Variants in RBMS1 observed in about 807,000 individuals in gnomAD.
The protein encoded by RBMS1 is RNA binding motif single stranded interacting protein 1.
RBMS1 carries 17 observed loss-of-function variants against 62.3 expected under a neutral mutation model. The observed-to-expected ratio is 0.27, with a 90% CI of 0.19 to 0.41. The LOEUF is 0.41. Ranked by LOEUF, RBMS1 falls within the 10% of genes least tolerant of loss-of-function variation. The pLI is 1.00. For missense variants in RBMS1, 334 were observed against 504.5 expected, an observed-to-expected ratio of 0.66 and a Z score of 3.24; for synonymous variants, 172 against 170.0, an observed-to-expected ratio of 1.01 and a Z score of -0.09.
chr2:160,487,303 T>C (rs1685637028), intron 1 of RBMS1, among the ~76,000 whole-genome samples: 1 of 152,246 alleles, frequency 6.6e-6, no homozygotes, highest in African/African-American at 2.4e-5. Flanking sequence ...TATATCTTAG[T>C]GCCTTCTCAG....
chr2:160,307,791 C>G (rs891970613), intron 4 of RBMS1, among the ~76,000 whole-genome samples: 4 of 152,232 alleles, frequency 2.6e-5, no homozygotes, highest in African/African-American at 9.6e-5. Context: ...TGCCACATGG[C>G]AGGTACCAGA....
At chr2:160,456,854 A>C (rs1035634197) in intron 1 of RBMS1, among the ~76,000 whole-genome samples, 1 of 151,952 alleles carries the variant, frequency 6.6e-6, no homozygotes, top group African/African-American at 2.4e-5. Context: ...GTTCAATTCA[A>C]TACATTTTTC....
At chr2:160,302,206 T>TC (rs1185962387) in intron 5 of RBMS1, among the ~76,000 whole-genome samples, 3 of 151,164 alleles carry the variant, frequency 2.0e-5, no homozygotes, top group Non-Finnish European at 4.4e-5. Flanking sequence ...TTTTAGACTT[T>TC]TTTTTTTTTT....
rs1046800105 is a variant in RBMS1, at chr2:160,282,185, A to C, written c.901-821T>G. 6.3e-6 allele frequency: 8 copies of C among 1,272,926 alleles called. No homozygotes were observed. In the African/African-American group the frequency reaches 7.6e-5, roughly 12 times the overall value. The allele number at this position is 1,272,926 out of a possible 1,614,324, so 78.9% of individuals were successfully genotyped here. ...AAAACCCTCCTGCATTTTATCCCCT[A>C]TTGTTAACTTCAGAGGTTCAACAGA... is the stretch of plus-strand genomic sequence containing the variant. On this transcript the variant is annotated intron_variant, in intron 9 of 13. Coordinates refer to ENST00000348849, the MANE Select transcript of RBMS1 (RefSeq NM_016836.4).
chr2:160,466,072 T>G (rs1684680109), intron 1 of RBMS1, among the ~76,000 whole-genome samples: 1 of 152,234 alleles, frequency 6.6e-6, no homozygotes, highest in Admixed American at 6.5e-5. Flanking sequence ...TTTATTGTAC[T>G]TTTATTGCAA....
intron 9 of RBMS1, 174 bp downstream of exon 9, chr2:160,284,601 A>T (rs949548412): frequency 9.7e-6 from 6 of 616,128 alleles, no homozygotes; most frequent in Admixed American, 5.4e-5. Context: ...ACATTCTCCT[A>T]TACATAAATT....
chr2:160,367,628 A>G (rs1693482245), intron 1 of RBMS1: 1 of 514,990 alleles, frequency 1.9e-6, no homozygotes, highest in South Asian at 4.9e-5. Context: ...AAATGTGACT[A>G]AATTTATGTA....
chr2:160,386,768 A>G (rs1337847038), intron 1 of RBMS1, among the ~76,000 whole-genome samples: 1 of 152,146 alleles, frequency 6.6e-6, no homozygotes, highest in African/African-American at 2.4e-5. Context: ...CAGAACTGTG[A>G]CAAATAGATT....
At chr2:160,351,687 C>T (rs1692519837) in intron 2 of RBMS1, among the ~76,000 whole-genome samples, 1 of 152,078 alleles carries the variant, frequency 6.6e-6, no homozygotes, top group South Asian at 2.1e-4. Flanking sequence ...GTTGTGCATC[C>T]ACTAATTTCT....
chr2:160,345,964 G>T (rs1692152210), intron 2 of RBMS1, among the ~76,000 whole-genome samples: 1 of 152,104 alleles, frequency 6.6e-6, no homozygotes. Flanking sequence ...GAGTGAAGGA[G>T]CGTTAGTAAC....
At chr2:160,407,157 T>G (rs1365119863) in intron 1 of RBMS1, among the ~76,000 whole-genome samples, 3 of 152,322 alleles carry the variant, frequency 2.0e-5, no homozygotes, top group Non-Finnish European at 2.9e-5. Context: ...ACAAAGGTTT[T>G]GGGAAAAACC....
intron 9 of RBMS1, 97 bp from the exon 10 acceptor site, chr2:160,281,461 A>G: frequency 9.7e-7 from 1 of 1,033,202 alleles, no homozygotes; most frequent in Non-Finnish European, 1.5e-6. Flanking sequence ...AATCTACAGA[A>G]AGAAAACAAG....
Position 160,482,119 on chromosome 2 carries a change from C to T in RBMS1, c.75+11170G>A, listed in dbSNP as rs573864062. Among the ~76,000 whole-genome samples the T allele has an allele frequency of 2.0e-4, 30 of 152,122 alleles. No individual in the cohort carries two copies. In the South Asian group the frequency reaches 6.2e-3, roughly 32 times the overall value. On this transcript the variant is annotated intron_variant, in intron 1 of 13. Coordinates refer to ENST00000348849, the MANE Select transcript of RBMS1 (RefSeq NM_016836.4). ...ATACAATATATCCTGTAATCCAATA[C>T]ACATAGCATTAAAAAAAGAACCAAC...
At chr2:160,409,405 C>T (rs1695929440) in intron 1 of RBMS1, among the ~76,000 whole-genome samples, 1 of 152,082 alleles carries the variant, frequency 6.6e-6, no homozygotes, top group African/African-American at 2.4e-5. Flanking sequence ...GTATCAAACA[C>T]AGTATAATGA....
chr2:160,488,524 C>T (rs774302477), intron 1 of RBMS1, among the ~76,000 whole-genome samples: 1 of 152,038 alleles, frequency 6.6e-6, no homozygotes. Flanking sequence ...TGTAGTGAGC[C>T]GAGATCGTGC....
intron 1 of RBMS1, among the ~76,000 whole-genome samples, chr2:160,438,716 C>A (rs932615844): frequency 2.0e-5 from 3 of 152,230 alleles, no homozygotes; most frequent in South Asian, 2.1e-4. Flanking sequence ...ACCTTTCCCC[C>A]CTTTCTATTC....
At chr2:160,384,825 TC>T (rs1694483409) in intron 1 of RBMS1, among the ~76,000 whole-genome samples, 2 of 152,206 alleles carry the variant, frequency 1.3e-5, no homozygotes, top group South Asian at 4.1e-4. Context: ...TTTGTGTCCC[TC>T]CAAATCTCAC....
At chr2:160,394,997 A>G (rs1695062584) in intron 1 of RBMS1, among the ~76,000 whole-genome samples, 1 of 152,250 alleles carries the variant, frequency 6.6e-6, no homozygotes, top group African/African-American at 2.4e-5. Flanking sequence ...TAAAATGCAA[A>G]AGCTTCTTTT....
At chr2:160,311,232 C>CTATCTATCTATCTATCTATA (rs1381483574) in intron 4 of RBMS1, among the ~76,000 whole-genome samples, 8 of 79,250 alleles carry the variant, frequency 1.0e-4, no homozygotes, top group Admixed American at 1.8e-4. Flanking sequence ...ATCTATCTAT[C>CTATCTATCTATCTATCTATA]TATATATATA....
Sources: allele counts gnomAD v4.1 joint callset (sites outside exome capture counted in the v4.1 genomes callset), GRCh38; gene constraint gnomAD v4.1.1; transcripts MANE v1.5; gene names NCBI Gene and HGNC (gene_info 2026-07-23, HGNC 2026-07-21).